The following CSMD1 variants were observed in gnomAD, a reference collection of about 807,000 sequenced individuals.
The protein encoded by CSMD1 is CUB and Sushi multiple domains 1.
A neutral mutation model predicts 417.5 loss-of-function variants in CSMD1; 213 were observed. The observed-to-expected ratio is 0.51, with a 90% confidence interval of 0.46 to 0.57. The LOEUF is 0.57. Among genes scored for constraint, CSMD1 ranks in the 20% least tolerant of loss-of-function variants. The pLI, the probability that CSMD1 is intolerant of heterozygous loss-of-function variation, is 0.00. For missense variants in CSMD1, 6,923 were observed against 4,529.7 expected (o/e 1.53, Z -15.17); for synonymous variants, 2,862 against 1,736.8 (o/e 1.65, Z -16.11).
intron 3 of CSMD1, among the ~76,000 whole-genome samples, chr8:4,064,423 T>A (rs890383274): frequency 6.6e-6 from 1 of 152,222 alleles, no homozygotes; most frequent in Non-Finnish European, 1.5e-5. Flanking sequence ...ATAAGTAAGC[T>A]TCTGCGGGCT....
At chr8:2,985,851 G>T (rs1024978518) in intron 54 of CSMD1, among the ~76,000 whole-genome samples, 4 of 151,398 alleles carry the variant, frequency 2.6e-5, no homozygotes, top group Non-Finnish European at 4.4e-5. Context: ...GCTCCAGGAG[G>T]CCCCAGTGGC....
intron 5 of CSMD1, among the ~76,000 whole-genome samples, chr8:3,958,601 C>A (rs752433880): frequency 6.6e-6 from 1 of 152,094 alleles, no homozygotes; most frequent in East Asian, 1.9e-4. Context: ...TTCACATACC[C>A]GCATTTGAAT....
chr8:4,498,271 G>C (rs73496646), intron 2 of CSMD1, among the ~76,000 whole-genome samples: 1,859 of 152,082 alleles, frequency 0.012, 48 homozygotes, highest in African/African-American at 0.042. Flanking sequence ...CAAACTACTT[G>C]TTTCCAAGGT....
intron 12 of CSMD1, among the ~76,000 whole-genome samples, chr8:3,445,450 A>C (rs1259807712): frequency 6.6e-6 from 1 of 152,224 alleles, no homozygotes; most frequent in Non-Finnish European, 1.5e-5. Flanking sequence ...GTGAATTACA[A>C]AGTGAGGTCA....
rs77676141 is a variant in CSMD1, at chr8:4,131,286, G to C, written c.416-99187C>G. ...ATGAACTGTAGGAACTGAAGAGGCTGAATCTACACAGAGCTTCCTGTAATG... is the reference window on the plus strand; with the variant it reads ...ATGAACTGTAGGAACTGAAGAGGCTCAATCTACACAGAGCTTCCTGTAATG... On this transcript the variant is annotated intron_variant, in intron 3 of 69. Transcript: ENST00000635120. 9.5e-3 allele frequency among the ~76,000 whole-genome samples: 1,426 copies of C among 150,496 alleles called. 15 individuals are homozygous for C. Among genetic ancestry groups the C allele is most frequent in the African/African-American group, 0.034 (1,377 of 40,850 alleles).
At chr8:3,254,377 A>G (rs1183689574) in intron 26 of CSMD1, among the ~76,000 whole-genome samples, 1 of 152,066 alleles carries the variant, frequency 6.6e-6, no homozygotes, top group African/African-American at 2.4e-5. Context: ...CTCGAGGGGT[A>G]TATTTGTGGC....
chr8:4,474,616 C>A (rs1383920975), intron 2 of CSMD1, among the ~76,000 whole-genome samples: 1 of 152,128 alleles, frequency 6.6e-6, no homozygotes, highest in Non-Finnish European at 1.5e-5. Flanking sequence ...CTACGTAACC[C>A]ATTCCTGGGT....
chr8:3,721,926 T>C (rs1445041358), intron 6 of CSMD1, among the ~76,000 whole-genome samples: 1 of 152,146 alleles, frequency 6.6e-6, no homozygotes, highest in African/African-American at 2.4e-5. Flanking sequence ...CTGATGCATC[T>C]ACATGCCACA....
intron 11 of CSMD1, among the ~76,000 whole-genome samples, chr8:3,475,915 A>C (rs887343639): frequency 3.9e-5 from 6 of 152,358 alleles, no homozygotes; most frequent in Admixed American, 3.9e-4. Context: ...GACAACCATA[A>C]GATACAGTAA....
intron 4 of CSMD1, among the ~76,000 whole-genome samples, chr8:4,008,662 G>C (rs561727594): frequency 1.9e-4 from 25 of 133,074 alleles, no homozygotes; most frequent in Non-Finnish European, 3.4e-4. Context: ...CCAGGCTGGA[G>C]TGCAGTGGTG....
rs925766219 is a variant in CSMD1 at position 4,402,857 on chromosome 8, G to A, written c.415+17096C>T. On this transcript the variant is annotated intron_variant, in intron 3 of 69. Transcript: ENST00000635120. ...TTTTTTGGAGACAGAGCCTTGCTCT[G>A]TTGCCAGGCTGGAGTGCAGCGGCGC... Among the ~76,000 whole-genome samples, 8 of 110,574 alleles carry A rather than the reference G, an allele frequency of 7.2e-5. No individual in the cohort carries two copies. In the East Asian group the frequency reaches 1.7e-3, roughly 24 times the overall value. 72.5% of individuals were successfully genotyped at this position (110,574 alleles called of 152,430 possible).
chr8:4,813,944 GATTA>G (rs538949177), intron 1 of CSMD1, among the ~76,000 whole-genome samples: 31 of 152,094 alleles, frequency 2.0e-4, no homozygotes, highest in East Asian at 1.7e-3. Flanking sequence ...ATACATTTTT[GATTA>G]ATTATTTAGT....
At chr8:4,147,370 G>A (rs888699615) in intron 3 of CSMD1, among the ~76,000 whole-genome samples, 1 of 151,946 alleles carries the variant, frequency 6.6e-6, no homozygotes, top group South Asian at 2.1e-4. Flanking sequence ...GTCCTCAGTG[G>A]CTGTGCTCTC....
intron 1 of CSMD1, among the ~76,000 whole-genome samples, chr8:4,835,824 G>A (rs543102285): frequency 1.3e-5 from 2 of 151,586 alleles, no homozygotes; most frequent in Non-Finnish European, 2.9e-5. Context: ...TCCAGACATG[G>A]AATTACTTGT....
At chr8:3,821,164 C>T (rs143205872) in intron 5 of CSMD1, among the ~76,000 whole-genome samples, 2,070 of 152,166 alleles carry the variant, frequency 0.014, 40 homozygotes, top group African/African-American at 0.034. Context: ...GTGATCCACC[C>T]GCCTCGGCCT....
chr8:2,956,322 A>G (rs1301493250), intron 63 of CSMD1, among the ~76,000 whole-genome samples: 5 of 152,108 alleles, frequency 3.3e-5, no homozygotes, highest in African/African-American at 1.2e-4. Flanking sequence ...TAATTTAGGA[A>G]TAAATGAGAC....
chr8:3,674,085 G>A (rs1349510392), intron 7 of CSMD1, among the ~76,000 whole-genome samples: 3 of 151,960 alleles, frequency 2.0e-5, no homozygotes, highest in Non-Finnish European at 4.4e-5. Context: ...CAGCTTGAGT[G>A]ACAGAGTGAG....
At chr8:4,808,403 T>C (rs879816699) in intron 1 of CSMD1, among the ~76,000 whole-genome samples, 1 of 152,182 alleles carries the variant, frequency 6.6e-6, no homozygotes, top group African/African-American at 2.4e-5. Context: ...TTCTGTGAAT[T>C]CAAAGGAAAA....
chr8:4,065,945 A>G (rs887993838), intron 3 of CSMD1, among the ~76,000 whole-genome samples: 6 of 152,204 alleles, frequency 3.9e-5, no homozygotes, highest in Non-Finnish European at 5.9e-5. Flanking sequence ...GAAAACTGAC[A>G]AATCATTGAT....
Sources: gnomAD v4.1 joint callset for allele counts (sites outside exome capture counted in the v4.1 genomes callset) on GRCh38, gnomAD v4.1.1 for gene constraint, MANE v1.5 for transcripts, NCBI Gene and HGNC (gene_info 2026-07-23, HGNC 2026-07-21) for gene names.